WASF3: variants seen among roughly 807,000 people sequenced by gnomAD.
WASF3 encodes the protein WASP family member 3, also known as actin-binding protein WASF3.
A neutral mutation model predicts 46.6 loss-of-function variants in WASF3; 11 were observed. The observed-to-expected ratio is 0.24, with a 90% confidence interval of 0.15 to 0.39. The LOEUF is 0.39. Ranked by LOEUF, WASF3 falls within the 10% of genes least tolerant of loss-of-function variation. The probability of loss-of-function intolerance (pLI) is 1.00; values close to 1 mark genes in which losing one functional copy is unlikely to be tolerated. For missense variants in WASF3, 576 were observed against 669.8 expected (o/e 0.86, Z 1.55); for synonymous variants, 242 against 259.7 (o/e 0.93, Z 0.65).
At chr13:26,650,725 G>A (rs1009258576) in intron 3 of WASF3, among the ~76,000 whole-genome samples, 3 of 152,128 alleles carry the variant, frequency 2.0e-5, no homozygotes, top group African/African-American at 7.2e-5. Flanking sequence ...GAAAAATACA[G>A]TATCAGAAAG....
At chr13:26,613,742 C>T (rs919359263) in intron 2 of WASF3, among the ~76,000 whole-genome samples, 7 of 152,122 alleles carry the variant, frequency 4.6e-5, no homozygotes, top group African/African-American at 1.2e-4. Flanking sequence ...TGCACTCCAG[C>T]CTGGCGACAG....
At chr13:26,652,089 A>G (rs189788188) in intron 3 of WASF3, among the ~76,000 whole-genome samples, 7 of 152,326 alleles carry the variant, frequency 4.6e-5, no homozygotes, top group African/African-American at 1.4e-4. Context: ...TTTAAATAGA[A>G]ACATTTTAAA....
chr13:26,680,969 A>G (rs1883206848), intron 7 of WASF3, 85 bp from the exon 8 acceptor site: 2 of 1,494,432 alleles, frequency 1.3e-6, no homozygotes, highest in African/African-American at 1.4e-5. Context: ...TAGCAATGTT[A>G]TTATTCAAAT....
chr13:26,662,136 G>C (rs1234499873), intron 3 of WASF3, among the ~76,000 whole-genome samples: 4 of 152,160 alleles, frequency 2.6e-5, no homozygotes, highest in Non-Finnish European at 5.9e-5. Flanking sequence ...CTATTAAAAA[G>C]TCAAAAAATA....
At chr13:26,614,446 T>C (rs1881072539) in intron 2 of WASF3, among the ~76,000 whole-genome samples, 1 of 152,188 alleles carries the variant, frequency 6.6e-6, no homozygotes, top group Non-Finnish European at 1.5e-5. Flanking sequence ...CAAAATACTT[T>C]GAATTGAATG....
At position 26,660,136 on chromosome 13, in the gene WASF3, G is replaced by A. The variant is rs142284473; in HGVS notation, c.134-4892G>A. Among the ~76,000 whole-genome samples, 1,007 of 143,040 alleles carry A rather than the reference G, an allele frequency of 7.0e-3. 14 individuals are homozygous for A. Among genetic ancestry groups the A allele is most frequent in the African/African-American group, 0.025 (960 of 38,726 alleles). 93.8% of individuals were successfully genotyped at this position (143,040 alleles called of 152,430 possible). A position where few individuals can be genotyped will look rare whatever the true frequency, so the allele number is the denominator to read the frequency against. On this transcript the variant is annotated intron_variant, in intron 3 of 9. Coordinates refer to ENST00000335327, the MANE Select transcript of WASF3 (RefSeq NM_006646.6). ...AGTAGCTTTTAAAAGTGGAGTTTTT[G>A]GAAATATTAAAACACTAGGTTTAGA...
intron 2 of WASF3, among the ~76,000 whole-genome samples, chr13:26,627,920 A>G (rs1209825670): frequency 1.3e-5 from 2 of 151,708 alleles, no homozygotes; most frequent in Non-Finnish European, 2.9e-5. Flanking sequence ...AATAAAATAA[A>G]ATAAAATATA....
intron 4 of WASF3, among the ~76,000 whole-genome samples, chr13:26,667,054 C>G (rs1415514291): frequency 1.1e-4 from 16 of 151,922 alleles, no homozygotes; most frequent in Non-Finnish European, 7.4e-5. Context: ...TGCCATCTTT[C>G]CTTAATGTTT....
the WASF3 span, among the ~76,000 whole-genome samples, chr13:26,551,555 G>A: frequency 2.0e-5 from 3 of 152,154 alleles, no homozygotes; most frequent in Non-Finnish European, 4.4e-5. Context: ...TTCCCTGTCT[G>A]GTGGGGGACA....
chr13:26,674,438 A>C (rs991936814), intron 6 of WASF3, among the ~76,000 whole-genome samples: 1 of 152,134 alleles, frequency 6.6e-6, no homozygotes, highest in Non-Finnish European at 1.5e-5. Flanking sequence ...TACACACCCA[A>C]TACATGCTGG....
Position 26,680,096 on chromosome 13 carries a change from CAAGAA to C in WASF3, c.717-952_717-948del, listed in dbSNP as rs1482286644. The C allele has an allele frequency of 3.2e-5, 51 of 1,598,080 alleles. No individual in the cohort carries two copies. In the East Asian group the frequency reaches 1.1e-3, roughly 35 times the overall value. On this transcript the variant is annotated intron_variant, in intron 7 of 9. Coordinates refer to ENST00000335327, the MANE Select transcript of WASF3 (RefSeq NM_006646.6). The stretch of plus-strand genomic sequence containing the variant: ...CAAGTAAATGTGAGAAAAGTCAGAA[CAAGAA>C]AAGAAGAGTGGGAGAGAAGGAAAAT...
At chr13:26,631,966 C>T (rs1881664443) in intron 2 of WASF3, among the ~76,000 whole-genome samples, 1 of 152,110 alleles carries the variant, frequency 6.6e-6, no homozygotes, top group African/African-American at 2.4e-5. Context: ...TGATTTGGCT[C>T]TTTGTTTGTC....
upstream of WASF3, among the ~76,000 whole-genome samples, chr13:26,553,385 G>C (rs1294325374): frequency 6.6e-6 from 1 of 151,900 alleles, no homozygotes; most frequent in African/African-American, 2.4e-5. Flanking sequence ...GAGTCTCCAC[G>C]GTTCCATTTT....
At chr13:26,662,460 G>A (rs969631238) in intron 3 of WASF3, among the ~76,000 whole-genome samples, 1 of 152,204 alleles carries the variant, frequency 6.6e-6, no homozygotes, top group African/African-American at 2.4e-5. Context: ...GGGATACTAC[G>A]CAGCCATAAT....
chr13:26,674,468 C>T (rs941368079), intron 6 of WASF3, among the ~76,000 whole-genome samples: 1 of 152,124 alleles, frequency 6.6e-6, no homozygotes, highest in Non-Finnish European at 1.5e-5. Context: ...ACTCAAATAG[C>T]ACTCCCTTCC....
chr13:26,572,427 ATAT>A (rs2137155398), intron 1 of WASF3, among the ~76,000 whole-genome samples: 1 of 152,308 alleles, frequency 6.6e-6, no homozygotes, highest in South Asian at 2.1e-4. Context: ...TTCTATATAT[ATAT>A]TAGGAATGAA....
upstream of WASF3, among the ~76,000 whole-genome samples, chr13:26,555,892 C>T (rs1004333878): frequency 4.6e-5 from 7 of 152,172 alleles, no homozygotes; most frequent in Non-Finnish European, 1.0e-4. Flanking sequence ...CACTTATTAG[C>T]GGTGGGCTCT....
chr13:26,639,514 C>T (rs886314542), intron 2 of WASF3, among the ~76,000 whole-genome samples: 1 of 152,144 alleles, frequency 6.6e-6, no homozygotes, highest in Admixed American at 6.5e-5. Context: ...CAAATTCAGG[C>T]AGCTCATAGT....
chr13:26,594,024 A>T (rs1433403363), intron 1 of WASF3, among the ~76,000 whole-genome samples: 1 of 152,334 alleles, frequency 6.6e-6, no homozygotes, highest in East Asian at 1.9e-4. Flanking sequence ...TTACTGTATT[A>T]CTAGAAGAAG....
Sources: gnomAD v4.1 joint callset for allele counts (sites outside exome capture counted in the v4.1 genomes callset) on GRCh38, gnomAD v4.1.1 for gene constraint, MANE v1.5 for transcripts, NCBI Gene and HGNC (gene_info 2026-07-23, HGNC 2026-07-21) for gene names.